Variants in CFAP100 observed in about 807,000 individuals in gnomAD.
CFAP100 encodes cilia and flagella associated protein 100, also known as cilia- and flagella-associated protein 100.
A neutral mutation model predicts 81.5 loss-of-function variants in CFAP100; 70 were observed. The observed-to-expected ratio is 0.86, with a 90% CI of 0.71 to 1.05. The LOEUF (loss-of-function observed/expected upper bound fraction) is 1.05. Among genes scored for constraint, CFAP100 ranks in the 50% least tolerant of loss-of-function variants. The pLI is 0.00. For synonymous variants in CFAP100, 341 were observed against 314.8 expected (o/e 1.08, Z -0.88); for missense variants, 811 against 776.5 (o/e 1.04, Z -0.53).
chr3:126,423,314 T>C lies in CFAP100; in HGVS notation c.1083-11T>C. Reference sequence around the variant, plus strand: ...TGGTCCCAGAGTCCCGACCCTGCCATCTCTTCGCAGGTCGAACTCTCCCAT... The same window carrying C: ...TGGTCCCAGAGTCCCGACCCTGCCACCTCTTCGCAGGTCGAACTCTCCCAT... On this transcript the variant is annotated splice_polypyrimidine_tract_variant and intron_variant, in intron 11 of 16. Transcript: ENST00000352312. The C allele has an allele frequency of 6.2e-7, 1 of 1,611,620 alleles. No homozygotes were observed. The highest frequency in any genetic ancestry group is 8.5e-7 in the Non-Finnish European group (1 of 1,178,720).
chr3:126,417,050 G>C (rs1002067229), intron 5 of CFAP100, among the ~76,000 whole-genome samples: 1 of 152,210 alleles, frequency 6.6e-6, no homozygotes, highest in Admixed American at 6.5e-5. Context: ...TGCGTGATTC[G>C]GAAGGTGGGC....
At chr3:126,433,482 TG>T in intron 14 of CFAP100, 2 of 386,900 alleles carry the variant, frequency 5.2e-6, no homozygotes, top group Non-Finnish European at 9.5e-6. Context: ...AAGGTGATCC[TG>T]AAGGGGGGGA....
At chr3:126,428,370 A>G (rs201909634) in intron 13 of CFAP100, among the ~76,000 whole-genome samples, 6 of 91,088 alleles carry the variant, frequency 6.6e-5, no homozygotes, top group African/African-American at 1.7e-4. Context: ...GAGAGGGATA[A>G]AGAGAGAGAA....
chr3:126,403,383 C>CTTTTT (rs10707460), intron 2 of CFAP100, among the ~76,000 whole-genome samples: 2 of 117,624 alleles, frequency 1.7e-5, no homozygotes, highest in African/African-American at 3.2e-5. Context: ...TGTATTTTAT[C>CTTTTT]TTTTTTTTTT....
intron 3 of CFAP100, among the ~76,000 whole-genome samples, chr3:126,408,392 A>C (rs1186867612): frequency 6.6e-6 from 1 of 152,228 alleles, no homozygotes; most frequent in Non-Finnish European, 1.5e-5. Context: ...CTTTCTAATC[A>C]GAATTCAAAG....
At position 126,432,731 on chromosome 3, in the gene CFAP100, A is replaced by G. The variant is rs1201673800; in HGVS notation, c.1287-338A>G. 3 of 193,092 alleles carry G rather than the reference A, an allele frequency of 1.6e-5. No individual in the cohort carries two copies. In the Admixed American group the frequency reaches 1.7e-4, roughly 11 times the overall value. The allele number at this position is 193,092 out of a possible 1,614,324, so 12.0% of individuals were successfully genotyped here. Reference sequence around the variant, plus strand: ...GGGCACAGGGTGATGAAAATGTTCTAAAATTAGATTATGGTCATGGTTGTG... The same window carrying G: ...GGGCACAGGGTGATGAAAATGTTCTGAAATTAGATTATGGTCATGGTTGTG... On this transcript the variant is annotated intron_variant, in intron 13 of 16. Transcript: ENST00000352312.
rs966913134 is a variant in CFAP100 at position 126,402,126 on chromosome 3, C to T, written c.50-5046C>T. On this transcript the variant is annotated intron_variant, in intron 2 of 16. Transcript: ENST00000352312. ...CCAGCCACACCTGACCCTGAGAAAG[C>T]GCCCACAGCTGTGGCCAGGCAGATG... 3.9e-5 allele frequency among the ~76,000 whole-genome samples: 6 copies of T among 152,238 alleles called. No individual in the cohort carries two copies. In the South Asian group the frequency reaches 1.0e-3, roughly 26 times the overall value.
chr3:126,416,207 C>T (rs2083235282), intron 4 of CFAP100, 109 bp from the exon 5 acceptor site: 1 of 687,032 alleles, frequency 1.5e-6, no homozygotes, highest in East Asian at 3.0e-5. Context: ...GTTCAGGTCC[C>T]CGCGTCCTCG....
intron 4 of CFAP100, among the ~76,000 whole-genome samples, chr3:126,415,274 G>A (rs2083216856): frequency 6.6e-6 from 1 of 151,252 alleles, no homozygotes; most frequent in African/African-American, 2.4e-5. Context: ...CCACCCAACA[G>A]GATCACCAAA....
chr3:126,396,867 T>C (rs918965692), intron 2 of CFAP100, among the ~76,000 whole-genome samples: 10 of 152,218 alleles, frequency 6.6e-5, no homozygotes, highest in Admixed American at 4.6e-4. Context: ...AGCTTTTTTA[T>C]TGGAATTTAA....
At chr3:126,420,682 G>T in intron 11 of CFAP100, 1 of 171,098 alleles carries the variant, frequency 5.8e-6, no homozygotes. Flanking sequence ...TGTCTCCATG[G>T]ATTGATGGAC....
intron 16 of CFAP100, 111 bp downstream of exon 16, chr3:126,435,763 G>A: frequency 1.3e-6 from 1 of 792,436 alleles, no homozygotes; most frequent in Non-Finnish European, 2.0e-6. Flanking sequence ...GGCATTCAAT[G>A]AGGCTCTGAG....
intron 2 of CFAP100, among the ~76,000 whole-genome samples, chr3:126,400,757 A>AAAAAG (rs1290169234): frequency 2.0e-5 from 3 of 152,104 alleles, no homozygotes; most frequent in African/African-American, 4.8e-5. Context: ...GTCTCAAAAA[A>AAAAAG]AAAAGAAAAG....
chr3:126,414,215 G>A, intron 4 of CFAP100, 36 bp downstream of exon 4: 1 of 1,478,652 alleles, frequency 6.8e-7, no homozygotes, highest in Non-Finnish European at 9.5e-7. Context: ...ACCTCCGGGA[G>A]CTTCCCTGCT....
chr3:126,420,212 C>A lies in CFAP100; in HGVS notation c.1065C>A (p.Ser355Arg). 1 of 1,612,420 alleles carries A rather than the reference C, an allele frequency of 6.2e-7. No homozygotes were observed. ...AAGGCAGCCAGCCCAGCGAGTCCAG[C>A]GGTGGCGACTCCAGAGGGTGAGTGG... ...PQQGSQPSES[S>R]GGDSRGSNSP... Residue 355 changes from serine (S) to arginine (R), a missense_variant, in exon 11 of 17, where the codon AGC (serine) becomes AGA (arginine). Ser to Arg is a moderately radical substitution (Grantham distance 110). Coordinates refer to ENST00000352312, the MANE Select transcript of CFAP100 (RefSeq NM_182628.3).
chr3:126,413,862 G>A (rs144537451), intron 3 of CFAP100, among the ~76,000 whole-genome samples: 16 of 152,352 alleles, frequency 1.1e-4, no homozygotes, highest in Non-Finnish European at 1.3e-4. Context: ...TCTTTCAGGG[G>A]CCAGGGACAG....
In CFAP100 at chr3:126,436,458, G is replaced by A; in HGVS notation, c.*54G>A. On this transcript the variant is annotated 3_prime_UTR_variant, in exon 17 of 17. Transcript: ENST00000352312. Reference sequence around the variant, plus strand: ...AAGGCTTAGCAAAGATGTTGGCAGAGGAAGCAGAGACTGGGCTGGGTCTCG... The same window carrying A: ...AAGGCTTAGCAAAGATGTTGGCAGAAGAAGCAGAGACTGGGCTGGGTCTCG... The A allele has an allele frequency of 7.0e-7, 1 of 1,424,388 alleles. No homozygotes were observed. The highest frequency in any genetic ancestry group is 9.8e-7 in the Non-Finnish European group (1 of 1,023,166). 88.2% of individuals were successfully genotyped at this position (1,424,388 alleles called of 1,614,324 possible). A position where few individuals can be genotyped will look rare whatever the true frequency, so the allele number is the denominator to read the frequency against.
At position 126,435,671 on chromosome 3, in the gene CFAP100, G is replaced by C. The variant is rs371364835; in HGVS notation, c.1722+19G>C. 7.5e-6 allele frequency: 12 copies of C among 1,602,334 alleles called. No individual in the cohort carries two copies. The South Asian group carries it at 1.1e-4, about 15-fold the overall frequency. On this transcript the variant is annotated intron_variant, in intron 16 of 16. Coordinates refer to ENST00000352312, the MANE Select transcript of CFAP100 (RefSeq NM_182628.3). The stretch of plus-strand genomic sequence containing the variant: ...GAAGAAGGTAGGCAGGGTCGCCTTG[G>C]GGGGTCTCTGCTGGAGGGGGTCCCA...
intron 8 of CFAP100, 64 bp downstream of exon 8, chr3:126,419,220 TG>T: frequency 8.8e-7 from 1 of 1,130,722 alleles, no homozygotes; most frequent in Non-Finnish European, 1.3e-6. Context: ...TCATTTTGCC[TG>T]GCCAAGGGAA....
Sources: allele counts gnomAD v4.1 joint callset (sites outside exome capture counted in the v4.1 genomes callset), GRCh38; gene constraint gnomAD v4.1.1; transcripts MANE v1.5; gene names NCBI Gene and HGNC (gene_info 2026-07-23, HGNC 2026-07-21).